The following NXN variants were observed in gnomAD, a reference collection of about 807,000 sequenced individuals.
NXN encodes the protein nucleoredoxin, also known as nucleoredoxin 1.
In NXN, 16 loss-of-function variants were observed where a neutral mutation model predicts 48.6. The observed-to-expected ratio is 0.33, with a 90% CI of 0.22 to 0.50. The LOEUF is 0.50. Ranked by LOEUF, NXN falls within the 20% of genes least tolerant of loss-of-function variation. The probability of loss-of-function intolerance (pLI) is 0.98; values close to 1 mark genes in which losing one functional copy is unlikely to be tolerated. For synonymous variants in NXN, 281 were observed against 269.6 expected (o/e 1.04, Z -0.41); for missense variants, 492 against 605.5 (o/e 0.81, Z 1.97).
At chr17:856,270 T>C (rs749663633) in intron 1 of NXN, among the ~76,000 whole-genome samples, 8 of 151,802 alleles carry the variant, frequency 5.3e-5, no homozygotes, top group Non-Finnish European at 1.2e-4. Context: ...AGAAAAAGCC[T>C]AAAACCCTGA....
intron 1 of NXN, among the ~76,000 whole-genome samples, chr17:965,323 C>G (rs2069289038): frequency 6.6e-6 from 1 of 152,160 alleles, no homozygotes; most frequent in Non-Finnish European, 1.5e-5. Flanking sequence ...GAGCTGGACT[C>G]GACATCAACC....
intron 1 of NXN, among the ~76,000 whole-genome samples, chr17:912,643 C>T (rs532125279): frequency 2.3e-4 from 35 of 151,936 alleles, no homozygotes; most frequent in Admixed American, 2.1e-3. Context: ...GCTCTTTATG[C>T]ATTAAGAAAA....
At chr17:856,167 TG>T (rs1406061623) in intron 1 of NXN, among the ~76,000 whole-genome samples, 1 of 151,456 alleles carries the variant, frequency 6.6e-6, no homozygotes, top group Non-Finnish European at 1.5e-5. Context: ...CACTCCAGCC[TG>T]GCAACAAAGT....
In NXN at chr17:979,420, CCAGGCGCCGCCGCGGCT is replaced by C; in HGVS notation, c.242_258del (p.Glu81GlyfsTer71). ...TGGTCCGAGGACACGAAGACGATCT[CCAGGCGCCGCCGCGGCT>C]CGGGCTCCGCCGCCGCCCCGGCCCC... is the stretch of plus-strand genomic sequence containing the variant. On this transcript the variant is annotated frameshift_variant, in exon 1 of 8. Transcript: ENST00000336868. LOFTEE classifies it high-confidence loss of function. 1 of 1,359,216 alleles carries C rather than the reference CCAGGCGCCGCCGCGGCT, an allele frequency of 7.4e-7. No individual in the cohort carries two copies. The highest frequency in any genetic ancestry group is 1.6e-5 in the South Asian group (1 of 61,558). 84.2% of individuals were successfully genotyped at this position (1,359,216 alleles called of 1,614,324 possible).
chr17:844,812 T>TA (rs965319124), intron 1 of NXN, among the ~76,000 whole-genome samples: 17 of 152,222 alleles, frequency 1.1e-4, no homozygotes, highest in Middle Eastern at 6.8e-3. Flanking sequence ...CTCAAGCTCT[T>TA]GACCTTGTGA....
At chr17:806,890 AACAGCCACTCCGACATCACAC>A (rs1198485510) in intron 5 of NXN, among the ~76,000 whole-genome samples, 1 of 151,914 alleles carries the variant, frequency 6.6e-6, no homozygotes. Flanking sequence ...GGCTCTTGAG[AACAGCCACTCCGACATCACAC>A]ACACTCACAT....
rs1239632959 is a variant in NXN at position 868,788 on chromosome 17, G to A, written c.361-42710C>T. On this transcript the variant is annotated intron_variant, in intron 1 of 7. Coordinates refer to ENST00000336868, the MANE Select transcript of NXN (RefSeq NM_022463.5). ...ATGACAGGCGTGAGCCACCGCACCC[G>A]GTCGAAACTACCTTCTCTACATCGT... Among the ~76,000 whole-genome samples, 9 of 152,170 alleles carry A rather than the reference G, an allele frequency of 5.9e-5. No individual in the cohort carries two copies. In the East Asian group the frequency reaches 9.7e-4, roughly 16 times the overall value.
intron 1 of NXN, among the ~76,000 whole-genome samples, chr17:850,416 C>T (rs1280092778): frequency 6.6e-6 from 1 of 152,236 alleles, no homozygotes; most frequent in African/African-American, 2.4e-5. Context: ...CTAAGATACA[C>T]AAACGTTTCA....
chr17:801,443 CTTTTTT>C (rs71371579), intron 7 of NXN, among the ~76,000 whole-genome samples: 2 of 104,316 alleles, frequency 1.9e-5, no homozygotes, highest in African/African-American at 7.1e-5. Context: ...ATGTCACATT[CTTTTTT>C]TTTTTTTTTT....
chr17:832,689 G>A (rs921763474), intron 1 of NXN, among the ~76,000 whole-genome samples: 4 of 151,974 alleles, frequency 2.6e-5, no homozygotes, highest in East Asian at 1.9e-4. Flanking sequence ...CTTTCCTCTC[G>A]GAATCCTCTC....
intron 1 of NXN, chr17:910,767 A>T (rs1183484271): frequency 1.3e-5 from 2 of 152,230 alleles, no homozygotes; most frequent in African/African-American, 2.4e-5. Flanking sequence ...ATTTGCAGTC[A>T]CCGGGGAGTT....
chr17:816,955 C>T (rs370738035), intron 5 of NXN, among the ~76,000 whole-genome samples: 16 of 152,292 alleles, frequency 1.1e-4, no homozygotes, highest in Admixed American at 3.3e-4. Context: ...CAGGAGTAAG[C>T]GCTGACCTCC....
chr17:957,826 G>C (rs1337737830), intron 1 of NXN, among the ~76,000 whole-genome samples: 1 of 151,998 alleles, frequency 6.6e-6, no homozygotes, highest in African/African-American at 2.4e-5. Flanking sequence ...GCCCAGACCC[G>C]AGAGAGGCAG....
chr17:907,811 A>G (rs2068595589), intron 1 of NXN: 1 of 152,154 alleles, frequency 6.6e-6, no homozygotes, highest in Non-Finnish European at 1.5e-5. Flanking sequence ...AATATAATGG[A>G]TGGCAGAAAA....
At chr17:973,451 T>C (rs997940661) in intron 1 of NXN, among the ~76,000 whole-genome samples, 1 of 152,172 alleles carries the variant, frequency 6.6e-6, no homozygotes, top group African/African-American at 2.4e-5. Context: ...TCAAGAAGAG[T>C]GCCTGATCAT....
At chr17:822,481 C>A in intron 3 of NXN, 24 bp from the exon 4 acceptor site, 1 of 1,531,090 alleles carries the variant, frequency 6.5e-7, no homozygotes, top group Non-Finnish European at 9.0e-7. Flanking sequence ...CAGCAAGACC[C>A]GCTGCGTCAC....
intron 7 of NXN, among the ~76,000 whole-genome samples, chr17:802,535 C>A (rs1305205646): frequency 6.6e-6 from 1 of 152,234 alleles, no homozygotes; most frequent in Non-Finnish European, 1.5e-5. Flanking sequence ...TCAAGGCCGC[C>A]CCCGCCCGTG....
At chr17:941,311 G>C (rs1421458464) in intron 1 of NXN, among the ~76,000 whole-genome samples, 1 of 148,472 alleles carries the variant, frequency 6.7e-6, no homozygotes, top group Non-Finnish European at 1.5e-5. Context: ...CAGCGAACAA[G>C]ATTCCAGGGC....
intron 1 of NXN, among the ~76,000 whole-genome samples, chr17:955,454 G>A (rs138427186): frequency 0.071 from 10,797 of 151,344 alleles, 918 homozygotes; most frequent in African/African-American, 0.21. Flanking sequence ...ACAGGCATGA[G>A]ACACTGTGCC....
Sources: allele counts gnomAD v4.1 joint callset (sites outside exome capture counted in the v4.1 genomes callset), GRCh38; gene constraint gnomAD v4.1.1; transcripts MANE v1.5; gene names NCBI Gene and HGNC (gene_info 2026-07-23, HGNC 2026-07-21).